Variants in USP8 observed in about 807,000 individuals in gnomAD.
USP8 encodes ubiquitin specific peptidase 8.
Under a neutral mutation model 130.0 loss-of-function variants are expected in USP8, and 27 were observed. The observed-to-expected ratio is 0.21, with a 90% CI of 0.15 to 0.29. The LOEUF is 0.29. USP8 is among the 10% of genes least tolerant of loss of function. USP8 has a pLI of 1.00. For missense variants in USP8, 1,029 were observed against 1,312.2 expected, an observed-to-expected ratio of 0.78 and a Z score of 3.33; for synonymous variants, 392 against 444.1, an observed-to-expected ratio of 0.88 and a Z score of 1.48.
At chr15:50,436,815 A>G (rs1334468176) in intron 1 of USP8, among the ~76,000 whole-genome samples, 2 of 152,080 alleles carry the variant, frequency 1.3e-5, no homozygotes, top group African/African-American at 4.8e-5. Flanking sequence ...GATTATAGGC[A>G]TGCACTACCA....
At chr15:50,449,869 C>T (rs1470930729) in intron 4 of USP8, among the ~76,000 whole-genome samples, 1 of 147,952 alleles carries the variant, frequency 6.8e-6, no homozygotes, top group African/African-American at 2.5e-5. Flanking sequence ...GTGTGGGCCA[C>T]CATGCCTGGC....
intron 4 of USP8, among the ~76,000 whole-genome samples, chr15:50,456,265 T>A (rs1433852856): frequency 6.6e-6 from 1 of 152,138 alleles, no homozygotes; most frequent in Non-Finnish European, 1.5e-5. Context: ...AAGGAATTGC[T>A]AAGCGTAAAG....
At chr15:50,461,516 G>A (rs1306779856) in intron 5 of USP8, among the ~76,000 whole-genome samples, 1 of 148,070 alleles carries the variant, frequency 6.8e-6, no homozygotes, top group African/African-American at 2.5e-5. Context: ...GATAAAATGA[G>A]TTAGTACCAT....
intron 3 of USP8, among the ~76,000 whole-genome samples, chr15:50,444,109 T>TG (rs1418232982): frequency 2.0e-5 from 3 of 149,482 alleles, no homozygotes; most frequent in African/African-American, 7.4e-5. Flanking sequence ...TTTTTTTTTT[T>TG]TTTTTTTTTT....
At chr15:50,474,130 G>C (rs2051481294) in intron 8 of USP8, among the ~76,000 whole-genome samples, 1 of 152,072 alleles carries the variant, frequency 6.6e-6, no homozygotes, top group African/African-American at 2.4e-5. Flanking sequence ...TCAGCCTCCT[G>C]AGTAGCTGAG....
intron 8 of USP8, among the ~76,000 whole-genome samples, chr15:50,473,119 C>T (rs139240012): frequency 6.6e-6 from 1 of 152,242 alleles, no homozygotes; most frequent in Non-Finnish European, 1.5e-5. Context: ...GGCAACTTTA[C>T]TAGTATCAGA....
rs572303245 is a variant in USP8, at chr15:50,435,615, T to C, written c.-65-3394T>C. ...TTGACTTCTGCAGAAACGTGTGTGA[T>C]TGTAGAGGCTCAAATAGCAATTAAA... is the stretch of plus-strand genomic sequence containing the variant. On this transcript the variant is annotated intron_variant, in intron 1 of 19. Transcript: ENST00000307179. Among the ~76,000 whole-genome samples, 12 of 152,296 alleles carry C rather than the reference T, an allele frequency of 7.9e-5. 1 individual carries two copies. In the East Asian group the frequency reaches 2.3e-3, roughly 29 times the overall value.
intron 16 of USP8, among the ~76,000 whole-genome samples, chr15:50,495,209 C>T (rs972437162): frequency 1.4e-5 from 2 of 147,304 alleles, no homozygotes; most frequent in African/African-American, 2.5e-5. Flanking sequence ...TATATACACA[C>T]ACACCTACAC....
chr15:50,441,513 T>C lies in USP8; in HGVS notation c.249+20T>C, dbSNP rs1300416810. The C allele has an allele frequency of 1.3e-6, 2 of 1,535,024 alleles. No individual in the cohort carries two copies. Among genetic ancestry groups the C allele is most frequent in the Non-Finnish European group, 1.7e-6 (2 of 1,149,436 alleles). ...CAGCAGGTACCTTTTATTTTTGCAT[T>C]GTTATTTCCTAAGTTATTTTGCATA... is the stretch of plus-strand genomic sequence containing the variant. On this transcript the variant is annotated intron_variant, in intron 3 of 19. Coordinates refer to ENST00000307179, the MANE Select transcript of USP8 (RefSeq NM_005154.5).
rs768352586 is a variant in USP8 at position 50,514,047 on chromosome 15, GT to G, written c.*14960del. 4 of 152,160 alleles carry G rather than the reference GT, an allele frequency of 2.6e-5. No homozygotes were observed. The highest frequency in any genetic ancestry group is 5.9e-5 in the Non-Finnish European group (4 of 68,046). The allele number at this position is 152,160 out of a possible 1,614,324, so 9.4% of individuals were successfully genotyped here. A position where few individuals can be genotyped will look rare whatever the true frequency, so the allele number is the denominator to read the frequency against. On this transcript the variant is annotated 3_prime_UTR_variant, in exon 20 of 20. Transcript: ENST00000307179. ...GAATGGTAGAATGAATTACTAAATTGTAGTATTTTCATACAATGGAATACTA... is the reference window on the plus strand; with the variant it reads ...GAATGGTAGAATGAATTACTAAATTGAGTATTTTCATACAATGGAATACTA...
At chr15:50,427,558 A>ATTTTT (rs59709410) in intron 1 of USP8, among the ~76,000 whole-genome samples, 1 of 106,536 alleles carries the variant, frequency 9.4e-6, no homozygotes, top group Non-Finnish European at 1.9e-5. Context: ...AGCCGTACTA[A>ATTTTT]TTTTTTTTTT....
chr15:50,495,232 G>GTA lies in USP8; in HGVS notation c.2659-605_2659-604dup, dbSNP rs148202858. On this transcript the variant is annotated intron_variant, in intron 16 of 19. Transcript: ENST00000307179. The stretch of plus-strand genomic sequence containing the variant: ...CACACACCTACACAAAAATATTTGT[G>GTA]TATATATATATACGTGTATATATAC... 3.6e-3 allele frequency among the ~76,000 whole-genome samples: 301 copies of GTA among 82,934 alleles called. 8 individuals carry two copies. Among genetic ancestry groups the GTA allele is most frequent in the East Asian group, 0.027 (45 of 1,696 alleles). 54.4% of individuals were successfully genotyped at this position (82,934 alleles called of 152,430 possible). A position where few individuals can be genotyped will look rare whatever the true frequency, so the allele number is the denominator to read the frequency against.
At chr15:50,444,398 C>A (rs901407004) in intron 3 of USP8, among the ~76,000 whole-genome samples, 18 of 148,998 alleles carry the variant, frequency 1.2e-4, no homozygotes, top group Admixed American at 7.0e-4. Context: ...AGCCACCATG[C>A]CCAACCAGTT....
Position 50,500,816 on chromosome 15 carries a change from C to A in USP8, c.*1728C>A, listed in dbSNP as rs1234258979. ...TTGCAGAAAGCAGTGTAGTGGCCAC[C>A]ATCCAAATCACCAAAATGGTTCTAT... On this transcript the variant is annotated 3_prime_UTR_variant, in exon 20 of 20. Transcript: ENST00000307179. 4.4e-6 allele frequency: 7 copies of A among 1,585,664 alleles called. No individual in the cohort carries two copies. The Admixed American group carries it at 7.2e-5, about 16-fold the overall frequency.
intron 3 of USP8, among the ~76,000 whole-genome samples, chr15:50,442,733 C>G (rs555596941): frequency 1.3e-5 from 2 of 151,844 alleles, no homozygotes; most frequent in Non-Finnish European, 2.9e-5. Flanking sequence ...CCCAGGTGGG[C>G]GATAGACTCC....
intron 6 of USP8, among the ~76,000 whole-genome samples, chr15:50,463,880 T>A (rs2051096958): frequency 6.6e-6 from 1 of 152,336 alleles, no homozygotes; most frequent in African/African-American, 2.4e-5. Flanking sequence ...AATAGTAACA[T>A]AGGGAATATT....
At chr15:50,473,790 T>C (rs912117819) in intron 8 of USP8, among the ~76,000 whole-genome samples, 4 of 151,532 alleles carry the variant, frequency 2.6e-5, no homozygotes, top group African/African-American at 9.7e-5. Flanking sequence ...TGCACCACTG[T>C]GTTGGGCATC....
At chr15:50,496,177 A>T (rs909531935) in intron 17 of USP8, 93 bp downstream of exon 17, 2 of 1,094,558 alleles carry the variant, frequency 1.8e-6, no homozygotes, top group Non-Finnish European at 2.6e-6. Context: ...TTACCCTTAC[A>T]AACATTTTAT....
At chr15:50,444,340 G>A (rs530636311) in intron 3 of USP8, among the ~76,000 whole-genome samples, 21 of 151,026 alleles carry the variant, frequency 1.4e-4, no homozygotes, top group East Asian at 5.8e-4. Flanking sequence ...CCTGACCCTC[G>A]GTGATCCACC....
Sources: gnomAD v4.1 joint callset for allele counts (sites outside exome capture counted in the v4.1 genomes callset) on GRCh38, gnomAD v4.1.1 for gene constraint, MANE v1.5 for transcripts, NCBI Gene and HGNC (gene_info 2026-07-23, HGNC 2026-07-21) for gene names.